The following MSANTD1 variants were observed in gnomAD, a reference collection of about 807,000 sequenced individuals.
MSANTD1 encodes the protein myb/SANT-like DNA-binding domain-containing protein 1.
A neutral mutation model predicts 24.2 loss-of-function variants in MSANTD1; 7 were observed. The ratio of observed to expected loss-of-function variants is 0.29; its 90% CI spans 0.16 to 0.54. The LOEUF (loss-of-function observed/expected upper bound fraction) is 0.54. MSANTD1 is among the 20% of genes least tolerant of loss of function. The pLI, the probability that MSANTD1 is intolerant of heterozygous loss-of-function variation, is 0.94. For missense variants in MSANTD1, 384 were observed against 408.2 expected (o/e 0.94, Z 0.51); for synonymous variants, 177 against 181.1 (o/e 0.98, Z 0.18).
upstream of MSANTD1, chr4:3,246,562 G>A (rs376953217): frequency 2.2e-5 from 14 of 623,372 alleles, no homozygotes; most frequent in South Asian, 9.0e-5. Flanking sequence ...AGCTCCTGCC[G>A]AGGCCTGACC....
chr4:3,252,747 C>G (rs949501806), intron 1 of MSANTD1, among the ~76,000 whole-genome samples: 1 of 152,124 alleles, frequency 6.6e-6, no homozygotes, highest in East Asian at 1.9e-4. Flanking sequence ...GGCATTCTCT[C>G]CCGAACAACA....
intron 1 of MSANTD1, among the ~76,000 whole-genome samples, chr4:3,251,849 G>A (rs1005666783): frequency 2.0e-5 from 3 of 152,118 alleles, no homozygotes; most frequent in African/African-American, 7.2e-5. Context: ...CCAAAGAGTG[G>A]GCTGGCTCAA....
At chr4:3,245,956 C>G (rs1346178637), upstream of MSANTD1, among the ~76,000 whole-genome samples, 2 of 152,182 alleles carry the variant, frequency 1.3e-5, no homozygotes, top group African/African-American at 4.8e-5. Context: ...CTGGGTTCCC[C>G]TTGTGTGCAC....
chr4:3,255,696 C>A, intron 2 of MSANTD1, 29 bp from the exon 3 acceptor site: 1 of 1,500,440 alleles, frequency 6.7e-7, no homozygotes, highest in Non-Finnish European at 8.9e-7. Flanking sequence ...CTGTGGCCAG[C>A]ACGTCCACAG....
intron 1 of MSANTD1, among the ~76,000 whole-genome samples, chr4:3,249,958 C>T (rs1329993144): frequency 6.6e-6 from 1 of 152,206 alleles, no homozygotes. Flanking sequence ...GTGCCCTCCC[C>T]ACCACCAAGC....
intron 1 of MSANTD1, among the ~76,000 whole-genome samples, chr4:3,249,801 CA>C (rs1326935834): frequency 6.6e-6 from 1 of 152,234 alleles, no homozygotes; most frequent in African/African-American, 2.4e-5. Flanking sequence ...TGAGGGGTAG[CA>C]GGGGTGGGGC....
intron 1 of MSANTD1, among the ~76,000 whole-genome samples, chr4:3,250,989 G>A (rs1560616865): frequency 1.3e-5 from 2 of 152,360 alleles, no homozygotes; most frequent in South Asian, 2.1e-4. Flanking sequence ...GGAGGGGTCC[G>A]GGGCCTGGCC....
At chr4:3,247,720 A>G (rs1198418671), upstream of MSANTD1, 1 of 152,246 alleles carries the variant, frequency 6.6e-6, no homozygotes, top group Non-Finnish European at 1.5e-5. Flanking sequence ...GACCCCTCTG[A>G]GTTCCTCACA....
chr4:3,245,541 C>G (rs1487056936), upstream of MSANTD1: 1 of 152,266 alleles, frequency 6.6e-6, no homozygotes, highest in African/African-American at 2.4e-5. Flanking sequence ...GTGGGGTGCA[C>G]CCCTCAGGGA....
chr4:3,246,534 C>G (rs1037344532), upstream of MSANTD1: 5 of 570,674 alleles, frequency 8.8e-6, no homozygotes, highest in African/African-American at 1.9e-5. Context: ...GCCCATGTCC[C>G]AGGTCTGCAC....
At chr4:3,247,106 C>G (rs1257356464), upstream of MSANTD1, among the ~76,000 whole-genome samples, 1 of 152,158 alleles carries the variant, frequency 6.6e-6, no homozygotes, top group Non-Finnish European at 1.5e-5. Context: ...CCAGCAGCTC[C>G]AAGGTGGATT....
Position 3,255,940 on chromosome 4 carries a change from G to T in MSANTD1, c.812G>T (p.Arg271Met), listed in dbSNP as rs200075138. The T allele has an allele frequency of 1.9e-4, 285 of 1,540,482 alleles. 3 individuals carry two copies. The East Asian group carries it at 6.3e-3, about 34-fold the overall frequency. ...GAGCGCATGATGAGTCTGCTGGAGA[G>T]GATCATCACCAAGTCCAGCGTCTAG... ...LQERMMSLLERIITKSSV is the reference protein window; with the variant it reads ...LQERMMSLLEMIITKSSV The change falls in exon 3 of 3, where the codon AGG (arginine) becomes ATG (methionine). Residue 271 changes from arginine to methionine, a missense_variant. Coordinates refer to ENST00000438480, the MANE Select transcript of MSANTD1 (RefSeq NM_001042690.2).
At position 3,253,293 on chromosome 4, in the gene MSANTD1, C is replaced by T. The variant is rs750271675; in HGVS notation, c.407C>T (p.Pro136Leu). 1.2e-6 allele frequency: 2 copies of T among 1,609,744 alleles called. No homozygotes were observed. Among genetic ancestry groups the T allele is most frequent in the Admixed American group, 1.7e-5 (1 of 59,480 alleles). The change falls in exon 2 of 3, where the codon CCC becomes CTC. Residue 136 changes from proline to leucine, a missense_variant. By Grantham distance (98) the Pro-to-Leu change is moderately conservative (BLOSUM62 -3). Coordinates refer to ENST00000438480, the MANE Select transcript of MSANTD1 (RefSeq NM_001042690.2). ...ATTGATGGGATTCTGGCCAAGGTCC[C>T]CGAGTCCTGTGATGGCAAACTGCCG... ...LAIDGILAKV[P>L]ESCDGKLPDS...
At chr4:3,250,442 A>G (rs1247078181) in intron 1 of MSANTD1, among the ~76,000 whole-genome samples, 1 of 152,116 alleles carries the variant, frequency 6.6e-6, no homozygotes, top group Non-Finnish European at 1.5e-5. Context: ...CCGGGTGGGC[A>G]GGGGTCATGG....
intron 1 of MSANTD1, among the ~76,000 whole-genome samples, chr4:3,249,910 TCA>T (rs1426864337): frequency 6.6e-6 from 1 of 152,154 alleles, no homozygotes; most frequent in Non-Finnish European, 1.5e-5. Flanking sequence ...CCCACTGACC[TCA>T]CACCCTGCTC....
upstream of MSANTD1, chr4:3,247,901 CAGCAGGGG>C (rs1722081205): frequency 6.6e-6 from 1 of 152,430 alleles, no homozygotes; most frequent in African/African-American, 2.4e-5. Context: ...CCTCAGAGGA[CAGCAGGGG>C]CAGCGGGCAG....
chr4:3,249,398 A>G lies in MSANTD1; in HGVS notation c.176A>G (p.Glu59Gly). The change falls in exon 1 of 3, where the codon GAG becomes GGG. Residue 59 changes from glutamate (E) to glycine (G), a missense_variant. Coordinates refer to ENST00000438480, the MANE Select transcript of MSANTD1 (RefSeq NM_001042690.2). ...AEMRGLMLVW[E>G]EFFDELKQTK... Reference sequence around the variant, plus strand: ...ATGCGCGGCCTCATGCTGGTCTGGGAGGAGTTCTTCGACGAGCTCAAGCAG... The same window carrying G: ...ATGCGCGGCCTCATGCTGGTCTGGGGGGAGTTCTTCGACGAGCTCAAGCAG... The G allele has an allele frequency of 6.3e-7, 1 of 1,596,668 alleles. No homozygotes were observed. Among genetic ancestry groups the G allele is most frequent in the Non-Finnish European group, 8.5e-7 (1 of 1,173,120 alleles).
At chr4:3,254,556 G>A (rs1722329643) in intron 2 of MSANTD1, among the ~76,000 whole-genome samples, 3 of 152,248 alleles carry the variant, frequency 2.0e-5, no homozygotes, top group Non-Finnish European at 2.9e-5. Flanking sequence ...TACCCTCTCA[G>A]CTCAGAGCAG....
chr4:3,248,981 G>A (rs1722122631), upstream of MSANTD1: 1 of 383,292 alleles, frequency 2.6e-6, no homozygotes, highest in Non-Finnish European at 4.6e-6. Context: ...GGGCCGCTGG[G>A]TTTGGGCCTG....
Sources: gnomAD v4.1 joint callset for allele counts (sites outside exome capture counted in the v4.1 genomes callset) on GRCh38, gnomAD v4.1.1 for gene constraint, MANE v1.5 for transcripts, NCBI Gene and HGNC (gene_info 2026-07-23, HGNC 2026-07-21) for gene names.